Variants in SCEL observed in about 807,000 individuals in gnomAD.
SCEL encodes sciellin.
Under a neutral mutation model 117.6 loss-of-function variants are expected in SCEL, and 113 were observed. The observed-to-expected ratio is 0.96, with a 90% CI of 0.83 to 1.12. SCEL has a LOEUF of 1.12. SCEL is among the 50% of genes most tolerant of loss of function. The pLI, the probability that SCEL is intolerant of heterozygous loss-of-function variation, is 0.00. For synonymous variants in SCEL, 270 were observed against 256.2 expected, an observed-to-expected ratio of 1.05 and a Z score of -0.51; for missense variants, 785 against 810.8, an observed-to-expected ratio of 0.97 and a Z score of 0.39.
chr13:77,576,528 ACTT>A (rs2085951799), intron 9 of SCEL, among the ~76,000 whole-genome samples: 1 of 152,052 alleles, frequency 6.6e-6, no homozygotes, highest in Non-Finnish European at 1.5e-5. Context: ...TGTGCTCGCC[ACTT>A]CTTCATTTAT....
intron 16 of SCEL, 81 bp downstream of exon 16, chr13:77,602,205 T>C: frequency 8.4e-7 from 1 of 1,187,034 alleles, no homozygotes; most frequent in Non-Finnish European, 1.2e-6. Context: ...AGTGTTATGC[T>C]TTCCTTTGTG....
At chr13:77,544,681 A>T (rs2083898405) in intron 1 of SCEL, among the ~76,000 whole-genome samples, 1 of 152,168 alleles carries the variant, frequency 6.6e-6, no homozygotes, top group Non-Finnish European at 1.5e-5. Flanking sequence ...TCCCAGAGGA[A>T]GTGCTGTTAT....
chr13:77,633,701 C>T (rs1418218115), intron 28 of SCEL, among the ~76,000 whole-genome samples: 4 of 152,140 alleles, frequency 2.6e-5, no homozygotes, highest in East Asian at 3.8e-4. Context: ...CAGTCAACTG[C>T]AGAATAAATG....
Position 77,556,677 on chromosome 13 carries a change from A to G in SCEL, c.125A>G (p.Asp42Gly). The G allele has an allele frequency of 6.2e-7, 1 of 1,614,066 alleles. No homozygotes were observed. Among genetic ancestry groups the G allele is most frequent in the Non-Finnish European group, 8.5e-7 (1 of 1,179,934 alleles). Residue 42 changes from aspartate (D) to glycine (G), a missense_variant, in exon 3 of 33, where the codon GAT (aspartate) becomes GGT (glycine). Coordinates refer to ENST00000349847, the MANE Select transcript of SCEL (RefSeq NM_144777.3). ...AACAAAAGAAGAACTTTCTTACAGGATAACAGTTGGATAAAGAAACGCCCT... is the reference window on the plus strand; with the variant it reads ...AACAAAAGAAGAACTTTCTTACAGGGTAACAGTTGGATAAAGAAACGCCCT... Reference protein sequence around the residue: ...EVNKRRTFLQDNSWIKKRPEE... With the variant: ...EVNKRRTFLQGNSWIKKRPEE...
At chr13:77,552,967 TC>T (rs2084427413) in intron 1 of SCEL, among the ~76,000 whole-genome samples, 2 of 152,206 alleles carry the variant, frequency 1.3e-5, no homozygotes, top group African/African-American at 4.8e-5. Context: ...AAATAGGGAA[TC>T]CTTTCGCCAT....
intron 1 of SCEL, among the ~76,000 whole-genome samples, chr13:77,544,818 A>G (rs1593869509): frequency 1.3e-5 from 2 of 152,236 alleles, no homozygotes; most frequent in East Asian, 3.8e-4. Context: ...GAGCTACGAA[A>G]GTTGATTGAT....
intron 9 of SCEL, among the ~76,000 whole-genome samples, chr13:77,587,116 C>G (rs1474823347): frequency 1.3e-5 from 2 of 151,936 alleles, no homozygotes; most frequent in African/African-American, 4.8e-5. Context: ...CCTACTCAAC[C>G]TCCTCACTTT....
intron 30 of SCEL, among the ~76,000 whole-genome samples, 155 bp downstream of exon 30, chr13:77,637,349 T>TATATAAACATATAC (rs2090343960): frequency 7.2e-6 from 1 of 138,554 alleles, no homozygotes; most frequent in Non-Finnish European, 1.5e-5. Context: ...CATATATACA[T>TATATAAACATATAC]ATATAAACAT....
chr13:77,620,411 T>G (rs1258755983), intron 27 of SCEL, among the ~76,000 whole-genome samples: 1 of 152,206 alleles, frequency 6.6e-6, no homozygotes, highest in Non-Finnish European at 1.5e-5. Context: ...GCCCTGATTA[T>G]TTAATAGTAT....
At chr13:77,550,159 G>GTGGA (rs1567337256) in intron 1 of SCEL, among the ~76,000 whole-genome samples, 1 of 151,894 alleles carries the variant, frequency 6.6e-6, no homozygotes, top group Non-Finnish European at 1.5e-5. Context: ...GCTGAGGCAG[G>GTGGA]TGGATGGCTT....
chr13:77,565,131 G>A (rs754341866), intron 5 of SCEL, among the ~76,000 whole-genome samples: 4 of 152,140 alleles, frequency 2.6e-5, no homozygotes, highest in Non-Finnish European at 5.9e-5. Context: ...GCATCTGAAC[G>A]TTTATGTCAG....
chr13:77,541,305 A>G (rs879381692), intron 1 of SCEL, among the ~76,000 whole-genome samples: 2 of 152,212 alleles, frequency 1.3e-5, no homozygotes, highest in Non-Finnish European at 2.9e-5. Flanking sequence ...ACTTTCACCT[A>G]TTATATTATT....
intron 9 of SCEL, among the ~76,000 whole-genome samples, chr13:77,586,512 C>T (rs576009712): frequency 6.6e-6 from 1 of 152,174 alleles, no homozygotes. Context: ...CTCCACAGCC[C>T]CCATTGTAAC....
At chr13:77,628,359 T>A (rs2089867211) in intron 28 of SCEL, among the ~76,000 whole-genome samples, 1 of 152,030 alleles carries the variant, frequency 6.6e-6, no homozygotes, top group Non-Finnish European at 1.5e-5. Flanking sequence ...TATTTTTACT[T>A]ACTGTTGCTT....
At chr13:77,549,078 G>C (rs866552963) in intron 1 of SCEL, among the ~76,000 whole-genome samples, 8 of 152,280 alleles carry the variant, frequency 5.3e-5, no homozygotes, top group African/African-American at 1.7e-4. Context: ...TAGATACCTA[G>C]CAATGGAATT....
At chr13:77,543,945 T>C (rs981227040) in intron 1 of SCEL, among the ~76,000 whole-genome samples, 2 of 152,166 alleles carry the variant, frequency 1.3e-5, no homozygotes, top group Non-Finnish European at 2.9e-5. Flanking sequence ...ATCTTGAGAC[T>C]CCTTCCAGAA....
chr13:77,605,303 T>C (rs969075239), intron 19 of SCEL, among the ~76,000 whole-genome samples: 4 of 152,160 alleles, frequency 2.6e-5, no homozygotes, highest in African/African-American at 9.7e-5. Flanking sequence ...GTGCACACTA[T>C]CATGCCTGCC....
At chr13:77,562,378 G>T (rs937476596) in intron 4 of SCEL, among the ~76,000 whole-genome samples, 12 of 152,032 alleles carry the variant, frequency 7.9e-5, no homozygotes, top group Admixed American at 3.9e-4. Context: ...TTTCACTCTG[G>T]GGTTGTATTA....
chr13:77,553,423 T>C (rs1242731902), intron 1 of SCEL, among the ~76,000 whole-genome samples: 1 of 150,942 alleles, frequency 6.6e-6, no homozygotes, highest in East Asian at 2.0e-4. Context: ...TCTCCAGGTC[T>C]TTATCGGCTA....
Sources: allele counts gnomAD v4.1 joint callset (sites outside exome capture counted in the v4.1 genomes callset), GRCh38; gene constraint gnomAD v4.1.1; transcripts MANE v1.5; gene names NCBI Gene and HGNC (gene_info 2026-07-23, HGNC 2026-07-21).